The following CALN1 variants were observed in gnomAD, a reference collection of about 807,000 sequenced individuals.
CALN1 encodes calcium-binding protein 8.
A neutral mutation model predicts 30.6 loss-of-function variants in CALN1; 17 were observed. That is an observed-to-expected ratio of 0.56 (90% CI 0.38 to 0.83). The LOEUF is 0.83. CALN1 is among the 40% of genes least tolerant of loss of function. The pLI is 0.00. For synonymous variants in CALN1, 156 were observed against 131.4 expected, an observed-to-expected ratio of 1.19 and a Z score of -1.28; for missense variants, 291 against 354.9, an observed-to-expected ratio of 0.82 and a Z score of 1.45.
intron 2 of CALN1, among the ~76,000 whole-genome samples, chr7:72,348,525 A>C: frequency 6.6e-6 from 1 of 152,250 alleles, no homozygotes; most frequent in Non-Finnish European, 1.5e-5. Context: ...TTGACAACTA[A>C]GATGTGCATA....
chr7:72,410,044 T>TG (rs1359926017), intron 1 of CALN1, among the ~76,000 whole-genome samples: 2 of 151,606 alleles, frequency 1.3e-5, no homozygotes, highest in Admixed American at 6.6e-5. Context: ...AATTCTTTCT[T>TG]GAAGATATCT....
chr7:72,387,964 CAGT>C (rs1264460695), intron 2 of CALN1, among the ~76,000 whole-genome samples: 1 of 152,148 alleles, frequency 6.6e-6, no homozygotes, highest in Admixed American at 6.5e-5. Flanking sequence ...TTCTATTGCA[CAGT>C]AAAGTGACTG....
intron 5 of CALN1, among the ~76,000 whole-genome samples, chr7:71,951,071 C>A (rs1184195419): frequency 1.3e-5 from 2 of 152,162 alleles, no homozygotes; most frequent in Non-Finnish European, 2.9e-5. Flanking sequence ...CTGTCTGCCC[C>A]ATCTCTCTCA....
intron 3 of CALN1, among the ~76,000 whole-genome samples, chr7:72,270,611 A>G (rs1323405117): frequency 1.3e-5 from 2 of 151,956 alleles, no homozygotes; most frequent in African/African-American, 2.4e-5. Context: ...ATCTCTAAAA[A>G]AAATTTTTTT....
rs753021517 is a variant in CALN1 at position 72,278,701 on chromosome 7, C to T, written c.229G>A (p.Val77Met). The change falls in exon 3 of 7, where the codon GTG becomes ATG. Residue 77 changes from valine to methionine, a missense_variant. Physicochemically the swap from Val to Met is conservative, Grantham distance 21 (BLOSUM62 1). This residue lies in a region of CALN1 where 122 missense variants were observed against 103.2 expected (regional missense o/e 1.18). Transcript: ENST00000395275. ...SDSEQLANIS[V>M]EELDEIREAF... ...GGCTCCTTACCATCGAGCTCCTCCACGGAGATATTAGCCAGCTGTTCGCTG... is the reference window on the plus strand; with the variant it reads ...GGCTCCTTACCATCGAGCTCCTCCATGGAGATATTAGCCAGCTGTTCGCTG... The T allele has an allele frequency of 6.8e-6, 11 of 1,613,706 alleles. No individual in the cohort carries two copies. The highest frequency in any genetic ancestry group is 3.3e-5 in the Admixed American group (2 of 60,002).
the CALN1 span, among the ~76,000 whole-genome samples, chr7:72,484,504 T>C: frequency 6.6e-6 from 1 of 152,202 alleles, no homozygotes; most frequent in Non-Finnish European, 1.5e-5. Flanking sequence ...CCGCTAATCC[T>C]TTCAGGTAGT....
chr7:72,190,955 A>T (rs1357646734), intron 3 of CALN1, among the ~76,000 whole-genome samples: 1 of 152,180 alleles, frequency 6.6e-6, no homozygotes, highest in Non-Finnish European at 1.5e-5. Flanking sequence ...TGTCAAATAC[A>T]CATTCCCATT....
At chr7:72,204,325 T>C (rs534389240) in intron 3 of CALN1, among the ~76,000 whole-genome samples, 8 of 152,036 alleles carry the variant, frequency 5.3e-5, no homozygotes, top group East Asian at 1.9e-4. Flanking sequence ...TTAATGTTAA[T>C]TGTATTCAAC....
In CALN1 at chr7:72,081,790, C is replaced by T. The variant is rs76700402; in HGVS notation, c.388+24361G>A. ...CATCCAGATGGCTTCTTAATTGGAG[C>T]GGGCATCTCTCCTACCCCAGATACC... On this transcript the variant is annotated intron_variant, in intron 4 of 6. Transcript: ENST00000395275. 5.8e-3 allele frequency among the ~76,000 whole-genome samples: 881 copies of T among 152,170 alleles called. 8 individuals are homozygous for T. The highest frequency in any genetic ancestry group is 0.02 in the African/African-American group (827 of 41,516).
chr7:72,235,112 A>G (rs1794388539), intron 3 of CALN1, among the ~76,000 whole-genome samples: 1 of 151,940 alleles, frequency 6.6e-6, no homozygotes, highest in South Asian at 2.1e-4. Context: ...GTCTCTGCCA[A>G]AAAAACTAAA....
At chr7:72,255,387 CT>C (rs1795842573) in intron 3 of CALN1, among the ~76,000 whole-genome samples, 1 of 120,538 alleles carries the variant, frequency 8.3e-6, no homozygotes, top group African/African-American at 2.8e-5. Context: ...CACACCCAGC[CT>C]TTTTTCTTTT....
At chr7:71,885,174 C>T (rs1313407502) in intron 5 of CALN1, among the ~76,000 whole-genome samples, 5 of 152,084 alleles carry the variant, frequency 3.3e-5, no homozygotes, top group East Asian at 1.9e-4. Flanking sequence ...TTTTTTGAGA[C>T]GGAGTCTTGC....
In CALN1 at chr7:72,018,506, T is replaced by A. The variant is rs147755314; in HGVS notation, c.501+5151A>T. On this transcript the variant is annotated intron_variant, in intron 5 of 6. Coordinates refer to ENST00000395275, the MANE Select transcript of CALN1 (RefSeq NM_031468.4). ...TGATGAACGAAGACTAAGAACACAATCACAGCTTTACAACTTATGCATAGG... is the reference window on the plus strand; with the variant it reads ...TGATGAACGAAGACTAAGAACACAAACACAGCTTTACAACTTATGCATAGG... Among the ~76,000 whole-genome samples the A allele has an allele frequency of 3.0e-3, 454 of 152,176 alleles. 1 individual carries two copies. Among genetic ancestry groups the A allele is most frequent in the Middle Eastern group, 0.01 (3 of 294 alleles).
At chr7:71,961,222 T>A (rs1042460164) in intron 5 of CALN1, among the ~76,000 whole-genome samples, 2 of 152,236 alleles carry the variant, frequency 1.3e-5, no homozygotes, top group African/African-American at 4.8e-5. Flanking sequence ...TTACTTCTCA[T>A]TCATTTATTC....
chr7:71,820,867 A>C (rs1788547165), intron 5 of CALN1, among the ~76,000 whole-genome samples: 2 of 152,202 alleles, frequency 1.3e-5, no homozygotes, highest in Non-Finnish European at 2.9e-5. Flanking sequence ...CTGAGACTGA[A>C]GTAGGCTATG....
At chr7:71,825,562 T>A (rs1404568316) in intron 5 of CALN1, among the ~76,000 whole-genome samples, 1 of 152,022 alleles carries the variant, frequency 6.6e-6, no homozygotes, top group Non-Finnish European at 1.5e-5. Flanking sequence ...CCTCTGAGAT[T>A]TTTCCCTATA....
intron 6 of CALN1, among the ~76,000 whole-genome samples, chr7:71,808,786 C>T (rs1436646483): frequency 6.6e-6 from 1 of 152,100 alleles, no homozygotes; most frequent in East Asian, 1.9e-4. Flanking sequence ...AGCAGTAGAG[C>T]GCTTGAGCCC....
At chr7:71,998,286 C>CA (rs1464534210) in intron 5 of CALN1, among the ~76,000 whole-genome samples, 2 of 152,056 alleles carry the variant, frequency 1.3e-5, no homozygotes, top group Non-Finnish European at 2.9e-5. Flanking sequence ...GGAAGAGAAT[C>CA]AAGCTTGGGG....
chr7:72,228,369 G>A (rs1313321740), intron 3 of CALN1, among the ~76,000 whole-genome samples: 1 of 151,514 alleles, frequency 6.6e-6, no homozygotes, highest in East Asian at 1.9e-4. Flanking sequence ...TTCCCCACTG[G>A]GTTGAGAGCT....
Sources: gnomAD v4.1 joint callset for allele counts (sites outside exome capture counted in the v4.1 genomes callset) on GRCh38, gnomAD v4.1.1 for gene constraint, gnomAD v4.1.1 regional missense constraint, MANE v1.5 for transcripts, NCBI Gene and HGNC (gene_info 2026-07-23, HGNC 2026-07-21) for gene names.